Variants in NKAIN3 observed in about 807,000 individuals in gnomAD.
NKAIN3 encodes the protein sodium/potassium transporting ATPase interacting 3, also known as sodium/potassium-transporting ATPase subunit beta-1-interacting protein 3.
NKAIN3 carries 25 observed loss-of-function variants against 30.2 expected under a neutral mutation model. The ratio of observed to expected loss-of-function variants is 0.83; its 90% CI spans 0.60 to 1.16. The LOEUF is 1.16. NKAIN3 is among the 50% of genes most tolerant of loss of function. The probability of loss-of-function intolerance (pLI) is 0.00; values close to 1 mark genes in which losing one functional copy is unlikely to be tolerated. For missense variants in NKAIN3, 225 were observed against 254.1 expected (o/e 0.89, Z 0.78); for synonymous variants, 91 against 89.6 (o/e 1.02, Z -0.09).
intron 5 of NKAIN3, among the ~76,000 whole-genome samples, chr8:62,932,233 G>A (rs1197359562): frequency 6.6e-6 from 1 of 152,156 alleles, no homozygotes. Flanking sequence ...CATTCAAGAA[G>A]CAATTATTGG....
rs200466973 is a variant in NKAIN3, at chr8:62,729,039, A to AAAAAAAAAAAACAAAC, written c.274-17893_274-17892insAAAAAAAAAAACAAAC. Among the ~76,000 whole-genome samples, 34 of 96,936 alleles carry AAAAAAAAAAAACAAAC rather than the reference A, an allele frequency of 3.5e-4. 1 individual carries two copies. The highest frequency in any genetic ancestry group is 1.2e-3 in the African/African-American group (30 of 25,224). The allele number at this position is 96,936 out of a possible 152,430, so 63.6% of individuals were successfully genotyped here. Reference sequence around the variant, plus strand: ...ACAAACAAACCAAAAAAAAAAAAAAACAAAAAAAAAAAACCTCCTGCTCTG... The same window carrying AAAAAAAAAAAACAAAC: ...ACAAACAAACCAAAAAAAAAAAAAAAAAAAAAAAAAACAAACCAAAAAAAAAAAACCTCCTGCTCTG... On this transcript the variant is annotated intron_variant, in intron 3 of 6. Transcript: ENST00000623646.
At chr8:62,480,086 T>C in intron 1 of NKAIN3, among the ~76,000 whole-genome samples, 1 of 152,328 alleles carries the variant, frequency 6.6e-6, no homozygotes, top group African/African-American at 2.4e-5. Context: ...CCACTATGCT[T>C]TACATTAGGA....
chr8:62,260,687 C>T (rs1013538395), intron 1 of NKAIN3, among the ~76,000 whole-genome samples: 1 of 152,134 alleles, frequency 6.6e-6, no homozygotes, highest in Non-Finnish European at 1.5e-5. Flanking sequence ...TGACTCATAC[C>T]AACTGGGGAT....
At position 62,918,487 on chromosome 8, in the gene NKAIN3, G is replaced by C; in HGVS notation, c.506G>C (p.Ser169Thr). ...VGFVYACYVI[S>T]ISMEEEDTFD... is the part of the protein sequence containing the mutation. ...TTTGTGTATGCCTGTTATGTGATCA[G>C]TATTTCCATGGAAGAAGAAGACACA... The change falls in exon 5 of 7, where the codon AGT becomes ACT. Residue 169 changes from serine to threonine, a missense_variant. Physicochemically the swap from Ser to Thr is moderately conservative, Grantham distance 58 (BLOSUM62 1). Coordinates refer to ENST00000623646, the MANE Select transcript of NKAIN3 (RefSeq NM_001304533.3). 4.3e-6 allele frequency: 7 copies of C among 1,613,152 alleles called. No individual in the cohort carries two copies. Among genetic ancestry groups the C allele is most frequent in the Non-Finnish European group, 5.9e-6 (7 of 1,179,296 alleles).
chr8:62,853,942 T>A (rs1290727290), intron 4 of NKAIN3, among the ~76,000 whole-genome samples: 2 of 152,216 alleles, frequency 1.3e-5, no homozygotes, highest in Non-Finnish European at 2.9e-5. Flanking sequence ...ATTTCTGCAA[T>A]GATTTCATTA....
chr8:62,838,143 G>T (rs1819425823), intron 4 of NKAIN3, among the ~76,000 whole-genome samples: 1 of 150,158 alleles, frequency 6.7e-6, no homozygotes, highest in Admixed American at 6.6e-5. Context: ...GTGTGTGTGT[G>T]TGTGTGTGTA....
intron 1 of NKAIN3, among the ~76,000 whole-genome samples, chr8:62,269,117 G>C (rs1169302369): frequency 6.6e-6 from 1 of 152,136 alleles, no homozygotes; most frequent in East Asian, 1.9e-4. Context: ...ATGTGCGGGA[G>C]ATGTATTCTT....
intron 1 of NKAIN3, among the ~76,000 whole-genome samples, chr8:62,520,574 T>C (rs958016440): frequency 1.3e-5 from 2 of 152,142 alleles, no homozygotes; most frequent in African/African-American, 4.8e-5. Context: ...ACTACTTATA[T>C]GTCATAAGAT....
rs192158869 is a variant in NKAIN3 at position 62,855,718 on chromosome 8, G to A, written c.472-62735G>A. ...TGCATGTGAAGCGGAGCTTCTGAAC[G>A]ATAGCCTTCATCTTGTCCACCTGCT... On this transcript the variant is annotated intron_variant, in intron 4 of 6. Transcript: ENST00000623646. The A allele has an allele frequency of 7.0e-4, 1,095 of 1,554,110 alleles. 2 individuals are homozygous for A. The highest frequency in any genetic ancestry group is 9.2e-4 in the Non-Finnish European group (1,035 of 1,128,018).
chr8:62,658,090 A>G (rs1258732419), intron 3 of NKAIN3, among the ~76,000 whole-genome samples: 1 of 152,162 alleles, frequency 6.6e-6, no homozygotes, highest in Non-Finnish European at 1.5e-5. Flanking sequence ...AGATAATCCC[A>G]AGTACTTATG....
chr8:62,921,121 C>T (rs1475694467), intron 5 of NKAIN3, among the ~76,000 whole-genome samples: 1 of 152,110 alleles, frequency 6.6e-6, no homozygotes, highest in Non-Finnish European at 1.5e-5. Context: ...ACATTACCAA[C>T]CCTCAGTGAG....
chr8:62,294,697 T>C (rs4738951), intron 1 of NKAIN3, among the ~76,000 whole-genome samples: 139,129 of 151,618 alleles, frequency 0.92, 64,510 homozygotes, highest in East Asian at 0.99. Flanking sequence ...GTCACCATGC[T>C]GGTAAATTTT....
intron 1 of NKAIN3, among the ~76,000 whole-genome samples, chr8:62,567,870 T>C (rs1028759705): frequency 4.6e-5 from 7 of 152,130 alleles, no homozygotes; most frequent in Non-Finnish European, 8.8e-5. Context: ...TAAAGTAATA[T>C]AAGTTTTGGT....
intron 3 of NKAIN3, among the ~76,000 whole-genome samples, chr8:62,717,541 C>G (rs138106966): frequency 2.6e-5 from 4 of 151,656 alleles, no homozygotes; most frequent in African/African-American, 9.7e-5. Flanking sequence ...TAATCATTAT[C>G]CAGCTAATTT....
intron 4 of NKAIN3, among the ~76,000 whole-genome samples, chr8:62,821,401 A>T (rs1262193659): frequency 6.6e-6 from 1 of 152,120 alleles, no homozygotes; most frequent in East Asian, 1.9e-4. Flanking sequence ...ATTCTTAACA[A>T]AAGTTTCTGG....
chr8:62,406,708 A>G (rs1272559529), intron 1 of NKAIN3, among the ~76,000 whole-genome samples: 2 of 152,290 alleles, frequency 1.3e-5, no homozygotes, highest in Non-Finnish European at 2.9e-5. Context: ...GCTGATTTAT[A>G]TGAAGTCTTT....
At position 62,476,576 on chromosome 8, in the gene NKAIN3, C is replaced by T. The variant is rs192595929; in HGVS notation, c.55-102963C>T. Among the ~76,000 whole-genome samples the T allele has an allele frequency of 9.2e-3, 1,394 of 152,126 alleles. 12 individuals are homozygous for T. Among genetic ancestry groups the T allele is most frequent in the Non-Finnish European group, 0.014 (953 of 67,994 alleles). On this transcript the variant is annotated intron_variant, in intron 1 of 6. Coordinates refer to ENST00000623646, the MANE Select transcript of NKAIN3 (RefSeq NM_001304533.3). ...GGTTCAAGCGATTCTCTTGCCTCAG[C>T]CTCCTGAGTAGCTGGGACTACAGGC...
chr8:62,764,738 A>G (rs147897605), intron 4 of NKAIN3, among the ~76,000 whole-genome samples: 260 of 152,352 alleles, frequency 1.7e-3, no homozygotes, highest in Middle Eastern at 0.01. Context: ...TAAAGAGTCA[A>G]TTTGCAAATT....
At position 62,270,020 on chromosome 8, in the gene NKAIN3, G is replaced by A. The variant is rs186452497; in HGVS notation, c.54+20893G>A. On this transcript the variant is annotated intron_variant, in intron 1 of 6. Coordinates refer to ENST00000623646, the MANE Select transcript of NKAIN3 (RefSeq NM_001304533.3). Reference sequence around the variant, plus strand: ...TAATTTATCTTTCTTTAGCTAATGCGGAGGTCCTTATTATTATTATTATTA... The same window carrying A: ...TAATTTATCTTTCTTTAGCTAATGCAGAGGTCCTTATTATTATTATTATTA... Among the ~76,000 whole-genome samples the A allele has an allele frequency of 8.5e-5, 13 of 152,090 alleles. No individual in the cohort carries two copies. The East Asian group carries it at 2.1e-3, about 25-fold the overall frequency.
Sources: gnomAD v4.1 joint callset for allele counts (sites outside exome capture counted in the v4.1 genomes callset) on GRCh38, gnomAD v4.1.1 for gene constraint, MANE v1.5 for transcripts, NCBI Gene and HGNC (gene_info 2026-07-23, HGNC 2026-07-21) for gene names.